PLXNA4: variants seen among roughly 807,000 people sequenced by gnomAD.
The protein encoded by PLXNA4 is plexin-A4.
A neutral mutation model predicts 191.8 loss-of-function variants in PLXNA4; 44 were observed. The observed-to-expected ratio is 0.23, with a 90% CI of 0.18 to 0.29. The LOEUF is 0.29. Ranked by LOEUF, PLXNA4 falls within the 10% of genes least tolerant of loss-of-function variation. The pLI is 1.00. For synonymous variants in PLXNA4, 1,082 were observed against 1,009.5 expected (o/e 1.07, Z -1.36); for missense variants, 1,800 against 2,488.8 (o/e 0.72, Z 5.89).
At chr7:132,244,020 T>C (rs916736708) in intron 4 of PLXNA4, among the ~76,000 whole-genome samples, 7 of 152,188 alleles carry the variant, frequency 4.6e-5, no homozygotes, top group African/African-American at 1.7e-4. Context: ...CCAGGACTTA[T>C]TCACTATCTT....
Position 132,168,344 on chromosome 7 carries a change from T to C in PLXNA4, c.4246A>G (p.Asn1416Asp). The change falls in exon 22 of 32, where the codon AAC becomes GAC. Residue 1416 changes from asparagine (N) to aspartate (D), a missense_variant. Transcript: ENST00000321063. ...KQLLADLIDK[N>D]LESKNHPKLL... ...TTAGGGTGGTTCTTGCTCTCCAGGTTCTTGTCAATGAGGTCGGCCAGCAGC... is the reference window on the plus strand; with the variant it reads ...TTAGGGTGGTTCTTGCTCTCCAGGTCCTTGTCAATGAGGTCGGCCAGCAGC... 6.3e-7 allele frequency: 1 copy of C among 1,599,566 alleles called. No homozygotes were observed. Among genetic ancestry groups the C allele is most frequent in the Non-Finnish European group, 8.5e-7 (1 of 1,171,126 alleles).
At chr7:132,632,120 C>T (rs1315779609) in intron 2 of PLXNA4, among the ~76,000 whole-genome samples, 1 of 151,760 alleles carries the variant, frequency 6.6e-6, no homozygotes, top group African/African-American at 2.4e-5. Context: ...CCTGGAATCC[C>T]AGCTACTCAG....
chr7:132,189,773 C>T (rs150553976), intron 14 of PLXNA4, among the ~76,000 whole-genome samples: 78 of 152,224 alleles, frequency 5.1e-4, no homozygotes, highest in African/African-American at 1.8e-3. Flanking sequence ...CAACCCCCTG[C>T]GGAGACTCAT....
At chr7:132,187,414 A>G in intron 15 of PLXNA4, 57 bp downstream of exon 15, 6 of 1,571,042 alleles carry the variant, frequency 3.8e-6, no homozygotes, top group Non-Finnish European at 4.3e-6. Flanking sequence ...CCCTGAAGTC[A>G]TTTACCTGTC....
At chr7:132,230,150 GT>G (rs1798475187) in intron 5 of PLXNA4, among the ~76,000 whole-genome samples, 1 of 152,162 alleles carries the variant, frequency 6.6e-6, no homozygotes, top group Admixed American at 6.5e-5. Context: ...ATGATATGGA[GT>G]TTACATTGTC....
At chr7:132,370,852 ACC>A (rs1804408322) in intron 3 of PLXNA4, among the ~76,000 whole-genome samples, 1 of 152,190 alleles carries the variant, frequency 6.6e-6, no homozygotes, top group African/African-American at 2.4e-5. Context: ...GTGTGGGCAT[ACC>A]ACGTCCCAGG....
At chr7:132,277,463 G>A (rs1800324260) in intron 4 of PLXNA4, among the ~76,000 whole-genome samples, 2 of 152,180 alleles carry the variant, frequency 1.3e-5, no homozygotes, top group South Asian at 2.1e-4. Context: ...TCTGGAGGAT[G>A]AGTGTGAGGA....
At chr7:132,637,115 T>A (rs560266994) in intron 2 of PLXNA4, among the ~76,000 whole-genome samples, 1 of 152,202 alleles carries the variant, frequency 6.6e-6, no homozygotes, top group African/African-American at 2.4e-5. Flanking sequence ...AAGAGCCTTT[T>A]GATCATTCTC....
At chr7:132,262,766 C>G (rs1799697017) in intron 4 of PLXNA4, among the ~76,000 whole-genome samples, 1 of 152,078 alleles carries the variant, frequency 6.6e-6, no homozygotes, top group African/African-American at 2.4e-5. Flanking sequence ...GGCTTAAGCT[C>G]AGTGGGGAGG....
At chr7:132,228,851 G>A (rs1474636562) in intron 5 of PLXNA4, among the ~76,000 whole-genome samples, 2 of 152,066 alleles carry the variant, frequency 1.3e-5, no homozygotes, top group African/African-American at 2.4e-5. Flanking sequence ...ATACCTCCTT[G>A]GCTTTGAACA....
chr7:132,528,002 C>T (rs1042372150), intron 1 of PLXNA4, among the ~76,000 whole-genome samples: 1 of 152,198 alleles, frequency 6.6e-6, no homozygotes, highest in Non-Finnish European at 1.5e-5. Flanking sequence ...GGCAAGGTGT[C>T]CCCAGGTCTC....
intron 2 of PLXNA4, among the ~76,000 whole-genome samples, chr7:132,620,748 C>G (rs2116866185): frequency 6.6e-6 from 1 of 152,306 alleles, no homozygotes; most frequent in South Asian, 2.1e-4. Context: ...TCTTAAAGCC[C>G]TTTCCACATC....
At chr7:132,557,300 G>A (rs1800840868) in intron 1 of PLXNA4, among the ~76,000 whole-genome samples, 1 of 152,122 alleles carries the variant, frequency 6.6e-6, no homozygotes, top group Non-Finnish European at 1.5e-5. Flanking sequence ...CCTCTATCAC[G>A]TGCTACTGAA....
At chr7:132,439,149 C>A (rs1269431789) in intron 3 of PLXNA4, among the ~76,000 whole-genome samples, 1 of 152,214 alleles carries the variant, frequency 6.6e-6, no homozygotes, top group East Asian at 1.9e-4. Flanking sequence ...AGAAAATAAT[C>A]TCAGGCAGAT....
At chr7:132,600,788 T>A (rs1037970331) in intron 2 of PLXNA4, among the ~76,000 whole-genome samples, 2 of 152,304 alleles carry the variant, frequency 1.3e-5, no homozygotes, top group African/African-American at 4.8e-5. Context: ...GATTTGTCTA[T>A]AGTTCTTTAA....
At chr7:132,164,327 A>T (rs372608420) in intron 23 of PLXNA4, 39 bp from the exon 24 acceptor site, 2 of 1,607,844 alleles carry the variant, frequency 1.2e-6, no homozygotes. Context: ...GAGCTCTTGG[A>T]ACACTGGAGT....
intron 1 of PLXNA4, among the ~76,000 whole-genome samples, chr7:132,509,999 C>T (rs1242009294): frequency 1.3e-5 from 2 of 152,186 alleles, no homozygotes; most frequent in Non-Finnish European, 2.9e-5. Flanking sequence ...AGCAGTCAAG[C>T]AAATAAATAA....
At chr7:132,310,755 C>T (rs1225533102) in intron 3 of PLXNA4, among the ~76,000 whole-genome samples, 1 of 152,218 alleles carries the variant, frequency 6.6e-6, no homozygotes, top group Non-Finnish European at 1.5e-5. Flanking sequence ...CCCTACTGGG[C>T]TCTGCCCTAG....
rs1047202079 is a variant in PLXNA4, at chr7:132,124,344, C to G, written c.*6135G>C. The G allele has an allele frequency of 2.0e-5, 3 of 152,142 alleles. No individual in the cohort carries two copies. The highest frequency in any genetic ancestry group is 7.2e-5 in the African/African-American group (3 of 41,428). The allele number at this position is 152,142 out of a possible 1,614,324, so 9.4% of individuals were successfully genotyped here. On this transcript the variant is annotated 3_prime_UTR_variant, in exon 32 of 32. Coordinates refer to ENST00000321063, the MANE Select transcript of PLXNA4 (RefSeq NM_020911.2). ...CAGATGAGCACGTGTATCCCATCTT[C>G]GTCCTGTGCCTGGATTGCGGCTGAC...
Sources: gnomAD v4.1 joint callset for allele counts (sites outside exome capture counted in the v4.1 genomes callset) on GRCh38, gnomAD v4.1.1 for gene constraint, MANE v1.5 for transcripts, NCBI Gene and HGNC (gene_info 2026-07-23, HGNC 2026-07-21) for gene names.